Variants in RAB3GAP2 observed in about 807,000 individuals in gnomAD.
The protein encoded by RAB3GAP2 is RAB3 GTPase activating non-catalytic protein subunit 2, also known as rab3 GTPase-activating protein non-catalytic subunit.
RAB3GAP2 carries 87 observed loss-of-function variants against 185.3 expected under a neutral mutation model. The observed-to-expected ratio is 0.47, with a 90% CI of 0.39 to 0.56. RAB3GAP2 has a LOEUF of 0.56. RAB3GAP2 is among the 20% of genes least tolerant of loss of function. RAB3GAP2 has a pLI of 0.00. For missense variants in RAB3GAP2, 1,492 were observed against 1,638.2 expected (o/e 0.91, Z 1.54); for synonymous variants, 554 against 576.1 (o/e 0.96, Z 0.55).
intron 2 of RAB3GAP2, among the ~76,000 whole-genome samples, chr1:220,226,432 T>TA (rs199540486): frequency 0.075 from 10,710 of 143,204 alleles, 485 homozygotes; most frequent in South Asian, 0.13. Flanking sequence ...ATAATACTCT[T>TA]AAAAAAAAAA....
intron 8 of RAB3GAP2, 106 bp from the exon 9 acceptor site, chr1:220,202,480 T>A: frequency 8.5e-7 from 1 of 1,171,780 alleles, no homozygotes; most frequent in Non-Finnish European, 1.2e-6. Flanking sequence ...TTTCAGCTAA[T>A]AATGACACAA....
At chr1:220,151,973 C>T (rs1376323888) in intron 33 of RAB3GAP2, among the ~76,000 whole-genome samples, 1 of 152,038 alleles carries the variant, frequency 6.6e-6, no homozygotes. Context: ...TTTCTCTCAT[C>T]ACCTAATCTT....
Position 220,191,197 on chromosome 1 carries a change from C to A in RAB3GAP2, c.1358G>T (p.Gly453Val). Reference sequence around the variant, plus strand: ...TACTCGACTTGGACCCTGAGAATTTCCAAAGGGGGAAAAATCTGCCTTTTC... The same window carrying A: ...TACTCGACTTGGACCCTGAGAATTTACAAAGGGGGAAAAATCTGCCTTTTC... ...VPEKADFSPF[G>V]NSQGPSRVAQ... The change falls in exon 14 of 35, where the codon GGA becomes GTA. Residue 453 changes from glycine to valine, a missense_variant. Physicochemically the swap from Gly to Val is moderately radical, Grantham distance 109. This residue lies in a region of RAB3GAP2 where 681 missense variants were observed against 689.1 expected (regional missense o/e 0.99). Coordinates refer to ENST00000358951, the MANE Select transcript of RAB3GAP2 (RefSeq NM_012414.4). The A allele has an allele frequency of 1.9e-6, 3 of 1,613,924 alleles. No individual in the cohort carries two copies. Among genetic ancestry groups the A allele is most frequent in the Non-Finnish European group, 2.5e-6 (3 of 1,179,970 alleles).
At chr1:220,172,387 CCTTA>C (rs756686587) in intron 22 of RAB3GAP2, among the ~76,000 whole-genome samples, 2 of 151,938 alleles carry the variant, frequency 1.3e-5, no homozygotes, top group African/African-American at 2.4e-5. Context: ...ATTCCATTTG[CCTTA>C]CTGAGTTAAG....
intron 14 of RAB3GAP2, among the ~76,000 whole-genome samples, 184 bp downstream of exon 14, chr1:220,190,884 A>ATT (rs535252891): frequency 4.1e-5 from 6 of 147,444 alleles, no homozygotes; most frequent in African/African-American, 1.2e-4. Context: ...GGCATTTTTA[A>ATT]TTTTTTTTTT....
rs1487236406 is a variant in RAB3GAP2 at position 220,182,327 on chromosome 1, T to C, written c.2240A>G (p.His747Arg). ...CATATCCTCAGTGGAGCTTTCTCCATGCAAACACTTCCAAAAAAAGAAACT... is the reference window on the plus strand; with the variant it reads ...CATATCCTCAGTGGAGCTTTCTCCACGCAAACACTTCCAAAAAAAGAAACT... ...LGSFFFWKCL[H>R]GESSTEDMCH... The change falls in exon 21 of 35, where the codon CAT becomes CGT. Residue 747 changes from histidine (H) to arginine (R), a missense_variant. By Grantham distance (29) the His-to-Arg change is conservative. This residue lies in a region of RAB3GAP2 where 681 missense variants were observed against 689.1 expected (regional missense o/e 0.99). Transcript: ENST00000358951. The C allele has an allele frequency of 6.2e-7, 1 of 1,613,982 alleles. No homozygotes were observed. Among genetic ancestry groups the C allele is most frequent in the African/African-American group, 1.3e-5 (1 of 74,996 alleles).
At position 220,157,302 on chromosome 1, in the gene RAB3GAP2, T is replaced by C; in HGVS notation, c.3523A>G (p.Thr1175Ala). The change falls in exon 31 of 35, where the codon ACC becomes GCC. Residue 1175 changes from threonine to alanine, a missense_variant. This residue lies in a region of RAB3GAP2 where 387 missense variants were observed against 455.3 expected (regional missense o/e 0.85). Transcript: ENST00000358951. ...LYAVMRFSLK[T>A]VKPLSLFDSK... The stretch of plus-strand genomic sequence containing the variant: ...TCAAAAAGTGAAAGTGGCTTCACGG[T>C]CTTCAGAGAAAACCTCATGACTGCA... 1 of 1,613,886 alleles carries C rather than the reference T, an allele frequency of 6.2e-7. No homozygotes were observed. Among genetic ancestry groups the C allele is most frequent in the South Asian group, 1.1e-5 (1 of 91,062 alleles).
intron 1 of RAB3GAP2, chr1:220,253,745 A>G (rs1306807703): frequency 4.3e-6 from 7 of 1,611,688 alleles, no homozygotes; most frequent in Non-Finnish European, 5.1e-6. Flanking sequence ...TGGGTTCCGG[A>G]GAGCAGAGTA....
At chr1:220,218,815 T>C (rs1054957169) in intron 2 of RAB3GAP2, among the ~76,000 whole-genome samples, 2 of 151,614 alleles carry the variant, frequency 1.3e-5, no homozygotes, top group African/African-American at 4.9e-5. Flanking sequence ...CTCCACAAGC[T>C]CTTTGGATCC....
At chr1:220,258,040 C>T (rs1001817837) in intron 1 of RAB3GAP2, among the ~76,000 whole-genome samples, 1 of 151,956 alleles carries the variant, frequency 6.6e-6, no homozygotes, top group African/African-American at 2.4e-5. Context: ...AAGACTCAAC[C>T]AGGAAGAAAC....
In RAB3GAP2 at chr1:220,151,449, CAA is replaced by C. The variant is rs760266289; in HGVS notation, c.4027-45_4027-44del. 6 of 1,610,742 alleles carry C rather than the reference CAA, an allele frequency of 3.7e-6. No individual in the cohort carries two copies. In the African/African-American group the frequency reaches 5.3e-5, roughly 14 times the overall value. ...AAATAACCTATTATAGACAACTAAACAATAATTGTTATTGACTTAAGAGTTAT... is the reference window on the plus strand; with the variant it reads ...AAATAACCTATTATAGACAACTAAACTAATTGTTATTGACTTAAGAGTTAT... On this transcript the variant is annotated intron_variant, in intron 34 of 34. Coordinates refer to ENST00000358951, the MANE Select transcript of RAB3GAP2 (RefSeq NM_012414.4).
At chr1:220,218,351 T>C (rs1219022099) in intron 2 of RAB3GAP2, among the ~76,000 whole-genome samples, 1 of 152,130 alleles carries the variant, frequency 6.6e-6, no homozygotes, top group African/African-American at 2.4e-5. Context: ...ATTATAAAAA[T>C]AGGTTAGAAA....
At chr1:220,263,449 C>T (rs1660176015) in intron 1 of RAB3GAP2, among the ~76,000 whole-genome samples, 1 of 152,040 alleles carries the variant, frequency 6.6e-6, no homozygotes, top group South Asian at 2.1e-4. Context: ...GGTCTTTAAT[C>T]TATTTAATTT....
At chr1:220,179,386 T>C (rs890140130) in intron 21 of RAB3GAP2, among the ~76,000 whole-genome samples, 3 of 151,780 alleles carry the variant, frequency 2.0e-5, no homozygotes, top group East Asian at 3.9e-4. Context: ...CAAATATTAA[T>C]AGATCTAAAG....
intron 21 of RAB3GAP2, among the ~76,000 whole-genome samples, chr1:220,177,096 C>A (rs1658306013): frequency 6.6e-6 from 1 of 152,248 alleles, no homozygotes; most frequent in Non-Finnish European, 1.5e-5. Flanking sequence ...GGATGCATAC[C>A]TGTCGGGGCC....
intron 9 of RAB3GAP2, 101 bp downstream of exon 9, chr1:220,202,175 A>G (rs1658874267): frequency 7.9e-7 from 1 of 1,259,954 alleles, no homozygotes. Flanking sequence ...AAAAAATAAT[A>G]ATAATAAATA....
At chr1:220,185,339 G>A (rs1571888242) in intron 18 of RAB3GAP2, among the ~76,000 whole-genome samples, 1 of 152,094 alleles carries the variant, frequency 6.6e-6, no homozygotes, top group Admixed American at 6.6e-5. Flanking sequence ...CTCTGTTCAC[G>A]AGGGAAACTG....
At chr1:220,209,696 A>G (rs1050665173) in intron 7 of RAB3GAP2, among the ~76,000 whole-genome samples, 1 of 152,174 alleles carries the variant, frequency 6.6e-6, no homozygotes, top group Non-Finnish European at 1.5e-5. Context: ...ACAAATGCAT[A>G]CAGTATATAC....
In RAB3GAP2 at chr1:220,195,300, G is replaced by T. The variant is rs989150249; in HGVS notation, c.1038C>A (p.Ala346=). The part of the protein sequence containing the change: ...SKLTSALFNA[A]SGWLGWKSKH... ...TATTTTAATTGTTAAGTAATTACCT[G>T]GCAGCATTAAATAAAGCAGAAGTGA... The change falls in exon 11 of 35, where the codon GCC becomes GCA. Residue 346 remains alanine (A), a splice_region_variant and synonymous_variant. Coordinates refer to ENST00000358951, the MANE Select transcript of RAB3GAP2 (RefSeq NM_012414.4). The T allele has an allele frequency of 8.1e-6, 13 of 1,606,792 alleles. No homozygotes were observed. The African/African-American group carries it at 1.5e-4, about 18-fold the overall frequency.
Sources: allele counts gnomAD v4.1 joint callset (sites outside exome capture counted in the v4.1 genomes callset), GRCh38; gene constraint gnomAD v4.1.1; regional missense constraint gnomAD v4.1.1; transcripts MANE v1.5; gene names NCBI Gene and HGNC (gene_info 2026-07-23, HGNC 2026-07-21).